Variants in PRDM5 observed in about 807,000 individuals in gnomAD.
PRDM5 encodes PR domain zinc finger protein 5.
Under a neutral mutation model 81.2 loss-of-function variants are expected in PRDM5, and 56 were observed. That is an observed-to-expected ratio of 0.69 (90% CI 0.56 to 0.86). The LOEUF (loss-of-function observed/expected upper bound fraction) is 0.86, where lower values mean the gene tolerates loss of function less well. PRDM5 is among the 40% of genes least tolerant of loss of function. The pLI is 0.00. For missense variants in PRDM5, 697 were observed against 770.1 expected (o/e 0.91, Z 1.12); for synonymous variants, 267 against 256.4 (o/e 1.04, Z -0.39).
chr4:120,731,741 G>A (rs753653603), intron 14 of PRDM5: 15 of 152,264 alleles, frequency 9.9e-5, no homozygotes, highest in Non-Finnish European at 1.9e-4. Context: ...TGCCTGGAAT[G>A]AGGATGTGAT....
intron 2 of PRDM5, among the ~76,000 whole-genome samples, chr4:120,902,616 G>A (rs997911403): frequency 6.6e-6 from 1 of 152,182 alleles, no homozygotes; most frequent in Non-Finnish European, 1.5e-5. Flanking sequence ...CTAACCTCAA[G>A]CTTTGTAATA....
intron 15 of PRDM5, among the ~76,000 whole-genome samples, chr4:120,700,411 G>T (rs915785064): frequency 6.6e-6 from 1 of 152,068 alleles, no homozygotes; most frequent in Admixed American, 6.6e-5. Context: ...AATAATTTAC[G>T]ACTAAATTCT....
intron 13 of PRDM5, among the ~76,000 whole-genome samples, chr4:120,759,887 A>G (rs1214889358): frequency 6.6e-6 from 1 of 152,254 alleles, no homozygotes; most frequent in Non-Finnish European, 1.5e-5. Flanking sequence ...CTAAATGGAA[A>G]TAATAACAAT....
intron 1 of PRDM5, among the ~76,000 whole-genome samples, chr4:120,917,928 G>A (rs977805305): frequency 1.2e-4 from 19 of 152,138 alleles, no homozygotes; most frequent in African/African-American, 4.6e-4. Context: ...ACTTATGACT[G>A]ATGTAACCTT....
At chr4:120,807,837 G>T (rs1308981537) in intron 8 of PRDM5, among the ~76,000 whole-genome samples, 3 of 152,136 alleles carry the variant, frequency 2.0e-5, no homozygotes, top group African/African-American at 7.2e-5. Context: ...TGTGTCCGGA[G>T]TTTGTTCCTT....
chr4:120,756,584 T>C (rs1744775698), intron 13 of PRDM5, among the ~76,000 whole-genome samples: 1 of 152,194 alleles, frequency 6.6e-6, no homozygotes, highest in African/African-American at 2.4e-5. Context: ...GAGCTATCAT[T>C]TACTGAGATC....
In PRDM5 at chr4:120,889,524, C is replaced by CA. The variant is rs949852269; in HGVS notation, c.177+17949dup. 4.6e-5 allele frequency among the ~76,000 whole-genome samples: 7 copies of CA among 151,554 alleles called. No homozygotes were observed. In the East Asian group the frequency reaches 5.8e-4, roughly 13 times the overall value. ...AATTTCCATACCATCACCCTCCTTG[C>CA]AAAAAAAATTAATAAAAATAAACTT... On this transcript the variant is annotated intron_variant, in intron 2 of 15. Coordinates refer to ENST00000264808, the MANE Select transcript of PRDM5 (RefSeq NM_018699.4).
At chr4:120,780,384 C>G (rs1304850094) in intron 12 of PRDM5, among the ~76,000 whole-genome samples, 1 of 152,044 alleles carries the variant, frequency 6.6e-6, no homozygotes, top group African/African-American at 2.4e-5. Context: ...TTCAAGGATA[C>G]AGTAAGCTAT....
At chr4:120,718,711 T>C (rs1738161750) in intron 14 of PRDM5, among the ~76,000 whole-genome samples, 1 of 152,224 alleles carries the variant, frequency 6.6e-6, no homozygotes, top group Admixed American at 6.5e-5. Flanking sequence ...ACAGATTTGG[T>C]GTGAATTTCT....
At chr4:120,688,574 T>TC (rs36014811), downstream of PRDM5, among the ~76,000 whole-genome samples, 1 of 152,166 alleles carries the variant, frequency 6.6e-6, no homozygotes, top group Non-Finnish European at 1.5e-5. Flanking sequence ...TAAAGCATTT[T>TC]CCCCCATATT....
chr4:120,814,488 T>G (rs1006391286), intron 7 of PRDM5, among the ~76,000 whole-genome samples: 14 of 152,220 alleles, frequency 9.2e-5, no homozygotes, highest in African/African-American at 3.4e-4. Flanking sequence ...TAAGTATGCT[T>G]CTAGGAGCTG....
downstream of PRDM5, among the ~76,000 whole-genome samples, chr4:120,689,945 C>T (rs1425012695): frequency 6.6e-6 from 1 of 152,044 alleles, no homozygotes; most frequent in African/African-American, 2.4e-5. Context: ...ATGTAGTAAT[C>T]CACAAAAGGA....
chr4:120,840,940 CA>C (rs1259815636), intron 3 of PRDM5, among the ~76,000 whole-genome samples: 1 of 152,228 alleles, frequency 6.6e-6, no homozygotes, highest in Non-Finnish European at 1.5e-5. Context: ...CTCGCTCACC[CA>C]TGGCTCACCT....
chr4:120,888,640 A>T (rs1213724639), intron 2 of PRDM5, among the ~76,000 whole-genome samples: 2 of 152,346 alleles, frequency 1.3e-5, no homozygotes, highest in African/African-American at 2.4e-5. Flanking sequence ...CTGCTGAATC[A>T]TATCATATGC....
chr4:120,727,318 T>TGG (rs1739572167), intron 14 of PRDM5, among the ~76,000 whole-genome samples: 1 of 151,770 alleles, frequency 6.6e-6, no homozygotes, highest in Admixed American at 6.6e-5. Context: ...TGTGTGTGTG[T>TGG]GTGTATGAAA....
chr4:120,854,720 T>C (rs903088803), intron 2 of PRDM5, among the ~76,000 whole-genome samples: 9 of 151,852 alleles, frequency 5.9e-5, no homozygotes, highest in African/African-American at 1.9e-4. Flanking sequence ...TGATGACAAC[T>C]AAAACAGAGC....
intron 15 of PRDM5, among the ~76,000 whole-genome samples, chr4:120,703,967 G>A (rs763053582): frequency 6.6e-6 from 1 of 152,154 alleles, no homozygotes; most frequent in Non-Finnish European, 1.5e-5. Context: ...AAGGTTCTCA[G>A]ACAGTTCAGC....
chr4:120,737,129 G>A (rs1327413018), intron 14 of PRDM5, among the ~76,000 whole-genome samples: 1 of 152,094 alleles, frequency 6.6e-6, no homozygotes, highest in African/African-American at 2.4e-5. Flanking sequence ...GGGTGAGAGT[G>A]GCTTCATCAG....
chr4:120,793,777 GT>G (rs1750933041), intron 10 of PRDM5, among the ~76,000 whole-genome samples: 2 of 151,488 alleles, frequency 1.3e-5, no homozygotes, highest in African/African-American at 4.8e-5. Flanking sequence ...AATTAACAGA[GT>G]AGATTTTGGA....
Sources: gnomAD v4.1 joint callset for allele counts (sites outside exome capture counted in the v4.1 genomes callset) on GRCh38, gnomAD v4.1.1 for gene constraint, MANE v1.5 for transcripts, NCBI Gene and HGNC (gene_info 2026-07-23, HGNC 2026-07-21) for gene names.